The following ESRRG variants were observed in gnomAD, a reference collection of about 807,000 sequenced individuals.
The protein encoded by ESRRG is estrogen-related receptor gamma.
Under a neutral mutation model 44.0 loss-of-function variants are expected in ESRRG, and 13 were observed. The observed-to-expected ratio is 0.30, with a 90% CI of 0.19 to 0.47. ESRRG has a LOEUF of 0.47. ESRRG is among the 20% of genes least tolerant of loss of function. The probability of loss-of-function intolerance (pLI) is 1.00; values close to 1 mark genes in which losing one functional copy is unlikely to be tolerated. For missense variants in ESRRG, 395 were observed against 580.6 expected, an observed-to-expected ratio of 0.68 and a Z score of 3.29; for synonymous variants, 215 against 214.6, an observed-to-expected ratio of 1.00 and a Z score of -0.02.
At chr1:216,870,887 G>C (rs2096250739) in intron 2 of ESRRG, among the ~76,000 whole-genome samples, 1 of 150,156 alleles carries the variant, frequency 6.7e-6, no homozygotes. Flanking sequence ...TTTTTTCTTT[G>C]TCAATCTTGC....
chr1:217,116,240 C>T (rs1040714722), intron 1 of ESRRG, among the ~76,000 whole-genome samples: 1 of 152,134 alleles, frequency 6.6e-6, no homozygotes, highest in Non-Finnish European at 1.5e-5. Context: ...ATAAAGCCAT[C>T]ACCAGGAATA....
intron 2 of ESRRG, among the ~76,000 whole-genome samples, chr1:216,892,753 A>G (rs539032875): frequency 6.6e-6 from 1 of 152,276 alleles, no homozygotes; most frequent in East Asian, 1.9e-4. Flanking sequence ...CACATACTTT[A>G]ACAGCACTCA....
intron 1 of ESRRG, among the ~76,000 whole-genome samples, chr1:216,941,763 G>T (rs571540102): frequency 1.3e-5 from 2 of 152,214 alleles, no homozygotes; most frequent in African/African-American, 2.4e-5. Context: ...AGAATGGGGG[G>T]AAAAAGATTG....
At chr1:216,746,039 T>G (rs907551040) in intron 2 of ESRRG, among the ~76,000 whole-genome samples, 2 of 152,230 alleles carry the variant, frequency 1.3e-5, no homozygotes, top group Non-Finnish European at 2.9e-5. Flanking sequence ...TACAGTATTT[T>G]GCTCAACCTC....
At chr1:216,865,611 T>C (rs926624380) in intron 2 of ESRRG, among the ~76,000 whole-genome samples, 8 of 152,144 alleles carry the variant, frequency 5.3e-5, no homozygotes, top group African/African-American at 1.9e-4. Flanking sequence ...AAAGCAAACA[T>C]GGAACACTTG....
At chr1:216,902,842 C>A (rs1464928934) in intron 2 of ESRRG, among the ~76,000 whole-genome samples, 1 of 152,176 alleles carries the variant, frequency 6.6e-6, no homozygotes, top group Non-Finnish European at 1.5e-5. Flanking sequence ...ATCTGCCAGC[C>A]TTTTTAGTGG....
chr1:216,526,022 C>G (rs929290493), intron 5 of ESRRG, among the ~76,000 whole-genome samples: 52 of 152,158 alleles, frequency 3.4e-4, no homozygotes, highest in African/African-American at 1.1e-3. Context: ...TTGGAGAAAG[C>G]TGACAGATAT....
At chr1:216,802,966 G>A (rs565830184) in intron 2 of ESRRG, among the ~76,000 whole-genome samples, 8 of 152,190 alleles carry the variant, frequency 5.3e-5, no homozygotes, top group South Asian at 4.1e-4. Context: ...GTGCTCAATC[G>A]TCTTTTGGTA....
intron 2 of ESRRG, among the ~76,000 whole-genome samples, chr1:216,832,972 C>CA (rs59196564): frequency 0.23 from 32,401 of 138,644 alleles, 4,060 homozygotes; most frequent in African/African-American, 0.35. Context: ...GGGACTCAGT[C>CA]AAAAAAAAAA....
intron 1 of ESRRG, among the ~76,000 whole-genome samples, chr1:217,038,498 A>G (rs1040315308): frequency 1.3e-5 from 2 of 152,202 alleles, no homozygotes; most frequent in African/African-American, 4.8e-5. Context: ...CTCAAATTGT[A>G]ATCCTCATGG....
At chr1:216,863,709 G>C (rs2096093753) in intron 2 of ESRRG, 1 of 152,102 alleles carries the variant, frequency 6.6e-6, no homozygotes, top group South Asian at 2.1e-4. Flanking sequence ...CATGGGCTTT[G>C]TTCTTTGCTA....
intron 1 of ESRRG, among the ~76,000 whole-genome samples, chr1:216,957,313 A>C (rs1318527539): frequency 6.6e-6 from 1 of 152,162 alleles, no homozygotes; most frequent in Non-Finnish European, 1.5e-5. Flanking sequence ...TACAAATCCC[A>C]CATTTATAAC....
intron 2 of ESRRG, among the ~76,000 whole-genome samples, chr1:216,897,215 C>A (rs950930828): frequency 3.3e-5 from 5 of 152,150 alleles, no homozygotes; most frequent in Admixed American, 1.3e-4. Context: ...ATACAAAGTA[C>A]CTCTGAGTAA....
intron 2 of ESRRG, among the ~76,000 whole-genome samples, chr1:216,852,828 C>T (rs1463199275): frequency 1.3e-5 from 2 of 150,898 alleles, no homozygotes; most frequent in African/African-American, 2.5e-5. Flanking sequence ...CTTCTTCCCA[C>T]CAGGGCTCTT....
intron 1 of ESRRG, among the ~76,000 whole-genome samples, chr1:217,032,378 T>A (rs889238628): frequency 6.6e-6 from 1 of 152,156 alleles, no homozygotes; most frequent in African/African-American, 2.4e-5. Flanking sequence ...TCCCAGTTAC[T>A]TCTAGTGGAG....
At chr1:217,131,728 G>T (rs1028428369) in intron 1 of ESRRG, among the ~76,000 whole-genome samples, 1 of 152,086 alleles carries the variant, frequency 6.6e-6, no homozygotes, top group African/African-American at 2.4e-5. Flanking sequence ...ATACATAATC[G>T]GAGAATTCTA....
chr1:217,081,218 A>ATTTTTTTTT (rs1454943896), intron 1 of ESRRG, among the ~76,000 whole-genome samples: 2 of 32,742 alleles, frequency 6.1e-5, no homozygotes, highest in African/African-American at 2.0e-4. Flanking sequence ...AGATAAAAAT[A>ATTTTTTTTT]TTCTTTTTTT....
At chr1:216,667,685 CAAAAAAAAA>C (rs67275285) in intron 2 of ESRRG, among the ~76,000 whole-genome samples, 5 of 66,226 alleles carry the variant, frequency 7.5e-5, no homozygotes, top group African/African-American at 1.3e-4. Flanking sequence ...GACTCCATCT[CAAAAAAAAA>C]AAAAAAAAAA....
At chr1:216,974,870 T>C (rs2072528312) in intron 1 of ESRRG, among the ~76,000 whole-genome samples, 1 of 151,954 alleles carries the variant, frequency 6.6e-6, no homozygotes, top group African/African-American at 2.4e-5. Context: ...CACTTCCTTT[T>C]GTGCTTTTTT....
Sources: allele counts gnomAD v4.1 joint callset (sites outside exome capture counted in the v4.1 genomes callset), GRCh38; gene constraint gnomAD v4.1.1; transcripts MANE v1.5; gene names NCBI Gene and HGNC (gene_info 2026-07-23, HGNC 2026-07-21).